ATXN10: variants seen among roughly 807,000 people sequenced by gnomAD.
ATXN10 encodes ataxin-10.
In ATXN10, 28 loss-of-function variants were observed where a neutral mutation model predicts 52.9. The observed-to-expected ratio is 0.53, with a 90% CI of 0.39 to 0.73. The LOEUF (loss-of-function observed/expected upper bound fraction) is 0.73, where lower values mean the gene tolerates loss of function less well. ATXN10 is among the 30% of genes least tolerant of loss of function. ATXN10 has a pLI of 0.00. For synonymous variants in ATXN10, 226 were observed against 221.5 expected, an observed-to-expected ratio of 1.02 and a Z score of -0.18; for missense variants, 565 against 577.0, an observed-to-expected ratio of 0.98 and a Z score of 0.21.
At chr22:45,710,739 G>T (rs1007003624) in intron 5 of ATXN10, among the ~76,000 whole-genome samples, 2 of 152,206 alleles carry the variant, frequency 1.3e-5, no homozygotes, top group Non-Finnish European at 2.9e-5. Flanking sequence ...TGTAACAGTG[G>T]CAGAGTTGAG....
chr22:45,735,703 A>G (rs552562611), intron 7 of ATXN10, among the ~76,000 whole-genome samples: 5 of 152,022 alleles, frequency 3.3e-5, no homozygotes, highest in Non-Finnish European at 5.9e-5. Context: ...AAATTGCTCA[A>G]AGATACGAAA....
At position 45,769,363 on chromosome 22, in the gene ATXN10, A is replaced by T. The variant is rs1412407762; in HGVS notation, c.1173+28825A>T. ...GACATTTCTACAGGATCTGCTTGGT[A>T]CAGGGCACTGTGCTAGGTAGATGGG... On this transcript the variant is annotated intron_variant, in intron 9 of 11. Coordinates refer to ENST00000252934, the MANE Select transcript of ATXN10 (RefSeq NM_013236.4). The surrounding 1 kb of genome is among the most constrained non-coding windows in gnomAD (Gnocchi z 4.2). 6.6e-6 allele frequency among the ~76,000 whole-genome samples: 1 copy of T among 152,070 alleles called. No individual in the cohort carries two copies. Among genetic ancestry groups the T allele is most frequent in the Non-Finnish European group, 1.5e-5 (1 of 68,022 alleles).
chr22:45,689,490 C>T, intron 1 of ATXN10: 1 of 577,368 alleles, frequency 1.7e-6, no homozygotes, highest in East Asian at 3.0e-5. Context: ...AAGGCTGTTG[C>T]AGAGACTGAG....
At position 45,843,295 on chromosome 22, in the gene ATXN10, C is replaced by T; in HGVS notation, c.1425+117C>T. ...AATATGGATGGGAGAATTGTGCCCT[C>T]TATAGTGGTTTACCGAGGAAAGCCC... is the stretch of plus-strand genomic sequence containing the variant. On this transcript the variant is annotated intron_variant, in intron 11 of 11. Transcript: ENST00000252934. This position sits in a 1 kb window ranked among gnomAD's most constrained non-coding sequence, Gnocchi z 4.5. 2 of 1,188,218 alleles carry T rather than the reference C, an allele frequency of 1.7e-6. No individual in the cohort carries two copies. The highest frequency in any genetic ancestry group is 2.4e-6 in the Non-Finnish European group (2 of 816,676). The allele number at this position is 1,188,218 out of a possible 1,614,324, so 73.6% of individuals were successfully genotyped here. A position where few individuals can be genotyped will look rare whatever the true frequency, so the allele number is the denominator to read the frequency against.
rs1569057270 is a variant in ATXN10 at position 45,769,221 on chromosome 22, CTCA to C, written c.1173+28688_1173+28690del. 6.6e-6 allele frequency among the ~76,000 whole-genome samples: 1 copy of C among 151,886 alleles called. No individual in the cohort carries two copies. The highest frequency in any genetic ancestry group is 2.4e-5 in the African/African-American group (1 of 41,342). ...TTGAGAGCTCTTGGTGGGTAGGGGA[CTCA>C]TCATGGAATCTGAAAGGCAGCTTTA... is the stretch of plus-strand genomic sequence containing the variant. On this transcript the variant is annotated intron_variant, in intron 9 of 11. Coordinates refer to ENST00000252934, the MANE Select transcript of ATXN10 (RefSeq NM_013236.4). The surrounding 1 kb of genome is among the most constrained non-coding windows in gnomAD (Gnocchi z 4.2).
At chr22:45,808,685 A>G (rs2030510809) in intron 10 of ATXN10, among the ~76,000 whole-genome samples, 1 of 152,232 alleles carries the variant, frequency 6.6e-6, no homozygotes, top group African/African-American at 2.4e-5. Flanking sequence ...AGAGGTCAGA[A>G]CCAGATTTTA....
intron 1 of ATXN10, among the ~76,000 whole-genome samples, chr22:45,685,823 T>C (rs1923114454): frequency 6.6e-6 from 1 of 152,210 alleles, no homozygotes; most frequent in Admixed American, 6.5e-5. Flanking sequence ...ATATTTATTA[T>C]ATGACTCTAG....
rs761001214 is a variant in ATXN10, at chr22:45,688,357, A to G, written c.117-1355A>G. Among the ~76,000 whole-genome samples, 2 of 152,204 alleles carry G rather than the reference A, an allele frequency of 1.3e-5. No individual in the cohort carries two copies. The highest frequency in any genetic ancestry group is 2.9e-5 in the Non-Finnish European group (2 of 68,036). On this transcript the variant is annotated intron_variant, in intron 1 of 11. Transcript: ENST00000252934. The surrounding 1 kb of genome is among the most constrained non-coding windows in gnomAD (Gnocchi z 4.0). ...AAGTTTGAGATACCTTAAAAAATAAATACGAGAAAAAGATAAGGGGGGAAA... is the reference window on the plus strand; with the variant it reads ...AAGTTTGAGATACCTTAAAAAATAAGTACGAGAAAAAGATAAGGGGGGAAA...
At position 45,789,516 on chromosome 22, in the gene ATXN10, C is replaced by T. The variant is rs933679852; in HGVS notation, c.1174-17443C>T. ...AAATAGCTGCTCTGTATACCATGGA[C>T]GCTATACAGCTCAACTCAAAGAGGG... On this transcript the variant is annotated intron_variant, in intron 9 of 11. Coordinates refer to ENST00000252934, the MANE Select transcript of ATXN10 (RefSeq NM_013236.4). This position sits in a 1 kb window ranked among gnomAD's most constrained non-coding sequence, Gnocchi z 4.0. Among the ~76,000 whole-genome samples, 21 of 152,126 alleles carry T rather than the reference C, an allele frequency of 1.4e-4. No individual in the cohort carries two copies. The highest frequency in any genetic ancestry group is 4.1e-4 in the African/African-American group (17 of 41,416).
At position 45,684,129 on chromosome 22, in the gene ATXN10, G is replaced by GT. The variant is rs1164778497; in HGVS notation, c.117-5576dup. The stretch of plus-strand genomic sequence containing the variant: ...CATCAAGCCCAGCTAATTAAAACAA[G>GT]TTTTTTTGTTTTTTTTTTTTTTGTA... On this transcript the variant is annotated intron_variant, in intron 1 of 11. Transcript: ENST00000252934. This position sits in a 1 kb window ranked among gnomAD's most constrained non-coding sequence, Gnocchi z 4.1. Among the ~76,000 whole-genome samples, 34 of 66,850 alleles carry GT rather than the reference G, an allele frequency of 5.1e-4. 1 individual carries two copies. In the South Asian group the frequency reaches 0.018, roughly 35 times the overall value. 43.9% of individuals were successfully genotyped at this position (66,850 alleles called of 152,430 possible).
chr22:45,765,435 C>T (rs1430445867), intron 9 of ATXN10, among the ~76,000 whole-genome samples: 1 of 152,162 alleles, frequency 6.6e-6, no homozygotes, highest in East Asian at 1.9e-4. Flanking sequence ...GGAAGATAAA[C>T]TTGTGCTCTG....
chr22:45,747,459 G>A (rs1925775756), intron 9 of ATXN10, among the ~76,000 whole-genome samples: 1 of 150,812 alleles, frequency 6.6e-6, no homozygotes, highest in South Asian at 2.1e-4. Flanking sequence ...CACCGTGATT[G>A]TGCCACTGTG....
chr22:45,765,203 A>G (rs1926539465), intron 9 of ATXN10, among the ~76,000 whole-genome samples: 1 of 152,122 alleles, frequency 6.6e-6, no homozygotes, highest in Admixed American at 6.5e-5. Flanking sequence ...CCCCAAGGCA[A>G]TGGCAGGAGG....
At chr22:45,703,185 C>G (rs1261640812) in intron 5 of ATXN10, among the ~76,000 whole-genome samples, 1 of 152,140 alleles carries the variant, frequency 6.6e-6, no homozygotes, top group African/African-American at 2.4e-5. Context: ...GTAGCTAGTT[C>G]ATTAGATCAG....
rs868658439 is a variant in ATXN10 at position 45,740,517 on chromosome 22, G to C, written c.1152G>C (p.Lys384Asn). 6.2e-7 allele frequency: 1 copy of C among 1,613,768 alleles called. No individual in the cohort carries two copies. Among genetic ancestry groups the C allele is most frequent in the African/African-American group, 1.3e-5 (1 of 74,968 alleles). Residue 384 changes from lysine (K) to asparagine (N), a missense_variant, in exon 9 of 12, where the codon AAG becomes AAC. Coordinates refer to ENST00000252934, the MANE Select transcript of ATXN10 (RefSeq NM_013236.4). Reference protein sequence around the residue: ...LIRLIGNLCYKNKDNQDKVNE... With the variant: ...LIRLIGNLCYNNKDNQDKVNE... ...GTCTGATTGGAAATCTGTGTTACAA[G>C]AATAAAGATAACCAAGACAAGGTAA...
chr22:45,731,190 A>T (rs966712070), intron 7 of ATXN10, among the ~76,000 whole-genome samples: 2 of 152,240 alleles, frequency 1.3e-5, no homozygotes, highest in African/African-American at 4.8e-5. Context: ...GTGATACAAC[A>T]GGGAAGAATC....
At chr22:45,838,940 T>C (rs569095615) in intron 10 of ATXN10, among the ~76,000 whole-genome samples, 1 of 152,332 alleles carries the variant, frequency 6.6e-6, no homozygotes, top group East Asian at 1.9e-4. Context: ...GATTTACAGA[T>C]AGACAACACA....
rs1285122458 is a variant in ATXN10, at chr22:45,787,269, A to C, written c.1174-19690A>C. Among the ~76,000 whole-genome samples the C allele has an allele frequency of 6.6e-6, 1 of 152,176 alleles. No individual in the cohort carries two copies. Among genetic ancestry groups the C allele is most frequent in the Non-Finnish European group, 1.5e-5 (1 of 68,012 alleles). On this transcript the variant is annotated intron_variant, in intron 9 of 11. Transcript: ENST00000252934. The surrounding 1 kb of genome is among the most constrained non-coding windows in gnomAD (Gnocchi z 4.2). Reference sequence around the variant, plus strand: ...GCTCCTGAAAGAAGGGTCAGACCCTAGAGTGTTCAGCTGGGCTGCAGTGAG... The same window carrying C: ...GCTCCTGAAAGAAGGGTCAGACCCTCGAGTGTTCAGCTGGGCTGCAGTGAG...
At chr22:45,710,155 A>G (rs961463843) in intron 5 of ATXN10, among the ~76,000 whole-genome samples, 1 of 152,200 alleles carries the variant, frequency 6.6e-6, no homozygotes, top group African/African-American at 2.4e-5. Flanking sequence ...TCTTATTGCA[A>G]CCTAGAAGCA....
Sources: allele counts gnomAD v4.1 joint callset (sites outside exome capture counted in the v4.1 genomes callset), GRCh38; gene constraint gnomAD v4.1.1; non-coding constraint Gnocchi (gnomAD v3.1); transcripts MANE v1.5; gene names NCBI Gene and HGNC (gene_info 2026-07-23, HGNC 2026-07-21).